The following LRRC4C variants were observed in gnomAD, a reference collection of about 807,000 sequenced individuals.
LRRC4C encodes the protein leucine-rich repeat-containing protein 4C.
A neutral mutation model predicts 33.6 loss-of-function variants in LRRC4C; 5 were observed. That is an observed-to-expected ratio of 0.15 (90% CI 0.08 to 0.31). The LOEUF (loss-of-function observed/expected upper bound fraction) is 0.31, where lower values mean the gene tolerates loss of function less well. LRRC4C is among the 10% of genes least tolerant of loss of function. The pLI is 1.00. For missense variants in LRRC4C, 560 were observed against 796.7 expected, an observed-to-expected ratio of 0.70 and a Z score of 3.58; for synonymous variants, 329 against 302.0, an observed-to-expected ratio of 1.09 and a Z score of -0.93.
chr11:41,389,758 T>A (rs1218459769), intron 1 of LRRC4C, among the ~76,000 whole-genome samples: 1 of 151,768 alleles, frequency 6.6e-6, no homozygotes, highest in East Asian at 1.9e-4. Flanking sequence ...GGCATGTGCC[T>A]GGGCAAACAC....
At chr11:40,965,442 C>G (rs1162199596) in intron 1 of LRRC4C, among the ~76,000 whole-genome samples, 1 of 152,060 alleles carries the variant, frequency 6.6e-6, no homozygotes, top group African/African-American at 2.4e-5. Flanking sequence ...AAGTCCTTGT[C>G]CATGCCTATG....
intron 2 of LRRC4C, among the ~76,000 whole-genome samples, chr11:40,753,603 C>A (rs372617326): frequency 6.9e-6 from 1 of 144,016 alleles, no homozygotes; most frequent in Non-Finnish European, 1.5e-5. Context: ...TGCAGTGGTG[C>A]GATCTGGGCT....
chr11:40,983,100 G>C (rs903025370), intron 1 of LRRC4C, among the ~76,000 whole-genome samples: 8 of 152,118 alleles, frequency 5.3e-5, no homozygotes, highest in African/African-American at 1.7e-4. Flanking sequence ...TTGATTCCCT[G>C]TCTTTGCTGT....
Position 40,116,309 on chromosome 11 carries a change from G to A in LRRC4C, c.-17C>T. On this transcript the variant is annotated 5_prime_UTR_variant, in exon 7 of 7. Transcript: ENST00000528697. ...GTTCAACATTCATAATTTATCTGGT[G>A]TTGGTCCTTCTGGAATTCAAACAGT... 6 of 1,560,272 alleles carry A rather than the reference G, an allele frequency of 3.8e-6. No individual in the cohort carries two copies. The highest frequency in any genetic ancestry group is 1.2e-5 in the South Asian group (1 of 83,848).
At chr11:41,216,959 A>G (rs1411332411) in intron 1 of LRRC4C, among the ~76,000 whole-genome samples, 1 of 152,160 alleles carries the variant, frequency 6.6e-6, no homozygotes, top group Non-Finnish European at 1.5e-5. Flanking sequence ...TTTTTAGATG[A>G]TATGACCAAG....
intron 2 of LRRC4C, among the ~76,000 whole-genome samples, chr11:40,793,708 G>C (rs1432616938): frequency 6.6e-6 from 1 of 152,120 alleles, no homozygotes; most frequent in African/African-American, 2.4e-5. Flanking sequence ...ATTTCAACCG[G>C]AATGTGTGGC....
At chr11:40,208,434 T>G (rs955953266) in intron 5 of LRRC4C, among the ~76,000 whole-genome samples, 3 of 152,170 alleles carry the variant, frequency 2.0e-5, no homozygotes, top group African/African-American at 7.2e-5. Context: ...CTGAATATCC[T>G]GGATTGGTGT....
Position 40,422,231 on chromosome 11 carries a change from C to T in LRRC4C, c.-269-102510G>A, listed in dbSNP as rs79175284. Among the ~76,000 whole-genome samples, 1,095 of 152,128 alleles carry T rather than the reference C, an allele frequency of 7.2e-3. 4 individuals are homozygous for T. The highest frequency in any genetic ancestry group is 0.012 in the Non-Finnish European group (810 of 68,006). Reference sequence around the variant, plus strand: ...CAAGAAATGAAGTGTTCCAGTAACACGGAGGAAAGGGGGTGCTTCTTGTCC... The same window carrying T: ...CAAGAAATGAAGTGTTCCAGTAACATGGAGGAAAGGGGGTGCTTCTTGTCC... On this transcript the variant is annotated intron_variant, in intron 3 of 6. Coordinates refer to ENST00000528697, the MANE Select transcript of LRRC4C (RefSeq NM_001258419.2).
chr11:41,072,835 C>T (rs190191844), intron 1 of LRRC4C, among the ~76,000 whole-genome samples: 1 of 152,306 alleles, frequency 6.6e-6, no homozygotes, highest in Non-Finnish European at 1.5e-5. Context: ...TAACACTCAT[C>T]TTCCCAAATG....
At chr11:40,423,694 G>A (rs1950611697) in intron 3 of LRRC4C, among the ~76,000 whole-genome samples, 1 of 152,076 alleles carries the variant, frequency 6.6e-6, no homozygotes, top group Admixed American at 6.6e-5. Flanking sequence ...CCTCACATAG[G>A]TTTTCACTGT....
At position 40,647,343 on chromosome 11, in the gene LRRC4C, T is replaced by G. The variant is rs10501239; in HGVS notation, c.-270+799A>C. Among the ~76,000 whole-genome samples, 662 of 152,162 alleles carry G rather than the reference T, an allele frequency of 4.4e-3. 4 individuals carry two copies. Among genetic ancestry groups the G allele is most frequent in the African/African-American group, 0.015 (621 of 41,518 alleles). ...CCTCTACAATGGTGCTTAATGTCAC[T>G]ATAATTTGATCTTTTTTTTTCCTTA... is the stretch of plus-strand genomic sequence containing the variant. On this transcript the variant is annotated intron_variant, in intron 3 of 6. Coordinates refer to ENST00000528697, the MANE Select transcript of LRRC4C (RefSeq NM_001258419.2).
chr11:40,536,695 C>CTT (rs201556821), intron 3 of LRRC4C, among the ~76,000 whole-genome samples: 1 of 151,390 alleles, frequency 6.6e-6, no homozygotes, highest in Non-Finnish European at 1.5e-5. Context: ...CTGGAATGCT[C>CTT]TTTTTTTTTC....
chr11:40,486,154 TAAAAA>T (rs11415781), intron 3 of LRRC4C, among the ~76,000 whole-genome samples: 81 of 133,480 alleles, frequency 6.1e-4, no homozygotes, highest in African/African-American at 2.1e-3. Flanking sequence ...GACAAAAGTT[TAAAAA>T]AAAAAAAAAA....
chr11:41,006,135 G>A (rs1854736443), intron 1 of LRRC4C, among the ~76,000 whole-genome samples: 1 of 152,156 alleles, frequency 6.6e-6, no homozygotes, highest in African/African-American at 2.4e-5. Flanking sequence ...AAAATTTAGT[G>A]GTGTTGACAT....
intron 3 of LRRC4C, among the ~76,000 whole-genome samples, chr11:40,501,050 G>A (rs1954743380): frequency 6.6e-6 from 1 of 152,186 alleles, no homozygotes; most frequent in African/African-American, 2.4e-5. Context: ...CCCCATGCAA[G>A]TCTGAAATCC....
chr11:40,576,540 G>A (rs1393149469), intron 3 of LRRC4C, among the ~76,000 whole-genome samples: 4 of 152,252 alleles, frequency 2.6e-5, no homozygotes, highest in East Asian at 1.9e-4. Context: ...CACTTACATC[G>A]TCTGAGGTTC....
intron 1 of LRRC4C, among the ~76,000 whole-genome samples, chr11:41,123,261 GTTTTTTTTTTTT>G (rs1217714729): frequency 7.3e-4 from 35 of 48,088 alleles, no homozygotes; most frequent in African/African-American, 2.0e-3. Context: ...GCTATGTTTT[GTTTTTTTTTTTT>G]TTTTTTTTTT....
At chr11:41,292,320 T>G (rs1591177072) in intron 1 of LRRC4C, among the ~76,000 whole-genome samples, 2 of 152,194 alleles carry the variant, frequency 1.3e-5, no homozygotes, top group Admixed American at 1.3e-4. Flanking sequence ...CAATAAGGAC[T>G]ACTCTGCAGC....
intron 2 of LRRC4C, among the ~76,000 whole-genome samples, chr11:40,897,250 C>A (rs139685823): frequency 1.3e-4 from 20 of 152,232 alleles, no homozygotes; most frequent in African/African-American, 4.3e-4. Flanking sequence ...AAAACTAAAG[C>A]AAGGATATGT....
Sources: allele counts gnomAD v4.1 joint callset (sites outside exome capture counted in the v4.1 genomes callset), GRCh38; gene constraint gnomAD v4.1.1; transcripts MANE v1.5; gene names NCBI Gene and HGNC (gene_info 2026-07-23, HGNC 2026-07-21).